ZNF212: variants seen among roughly 807,000 people sequenced by gnomAD.
The protein encoded by ZNF212 is zinc finger protein 212, also known as Zinc finger protein C2H2-150.
ZNF212 carries 32 observed loss-of-function variants against 47.3 expected under a neutral mutation model. That is an observed-to-expected ratio of 0.68 (90% CI 0.51 to 0.91). The LOEUF (loss-of-function observed/expected upper bound fraction) is 0.91. Among genes scored for constraint, ZNF212 ranks in the 40% least tolerant of loss-of-function variants. The probability of loss-of-function intolerance (pLI) is 0.00; values close to 1 mark genes in which losing one functional copy is unlikely to be tolerated. For missense variants in ZNF212, 555 were observed against 622.8 expected (o/e 0.89, Z 1.16); for synonymous variants, 242 against 253.8 (o/e 0.95, Z 0.44).
At chr7:149,246,441 G>A (rs1245113890) in intron 1 of ZNF212, among the ~76,000 whole-genome samples, 1 of 150,216 alleles carries the variant, frequency 6.7e-6, no homozygotes, top group African/African-American at 2.5e-5. Context: ...GGAGTGCAGT[G>A]ACGTGATCTC....
rs762158885 is a variant in ZNF212, at chr7:149,250,487, T to A, written c.353T>A (p.Leu118Gln). Residue 118 changes from leucine to glutamine, a missense_variant, in exon 2 of 5, where the codon CTG (leucine) becomes CAG (glutamine). Physicochemically the swap from Leu to Gln is moderately radical, Grantham distance 113. Transcript: ENST00000335870. ...QRRLENVENL[L>Q]RNRNFWILRL... ...CGGCTGGAGAACGTGGAGAACCTGCTGCGCAACAGGAACTTCTGGATCCTG... is the reference window on the plus strand; with the variant it reads ...CGGCTGGAGAACGTGGAGAACCTGCAGCGCAACAGGAACTTCTGGATCCTG... The A allele has an allele frequency of 6.2e-7, 1 of 1,613,926 alleles. No individual in the cohort carries two copies.
intron 3 of ZNF212, among the ~76,000 whole-genome samples, chr7:149,252,366 C>A (rs967972050): frequency 6.6e-6 from 1 of 152,118 alleles, no homozygotes; most frequent in Non-Finnish European, 1.5e-5. Flanking sequence ...GAAATTAGAT[C>A]CCCTGAAAGG....
At position 149,254,635 on chromosome 7, in the gene ZNF212, C is replaced by T. The variant is rs1234902009; in HGVS notation, c.*220C>T. ...TGCTGCCAAGTTTGCTGTTTCTTGGCACCTTCAGGTCTCTGGTTTTCTCAT... is the reference window on the plus strand; with the variant it reads ...TGCTGCCAAGTTTGCTGTTTCTTGGTACCTTCAGGTCTCTGGTTTTCTCAT... On this transcript the variant is annotated 3_prime_UTR_variant, in exon 5 of 5. Coordinates refer to ENST00000335870, the MANE Select transcript of ZNF212 (RefSeq NM_012256.4). This position sits in a 1 kb window ranked among gnomAD's most constrained non-coding sequence, Gnocchi z 4.5. 3.2e-6 allele frequency: 2 copies of T among 634,192 alleles called. No individual in the cohort carries two copies. Among genetic ancestry groups the T allele is most frequent in the Non-Finnish European group, 5.0e-6 (2 of 398,414 alleles). The allele number at this position is 634,192 out of a possible 1,614,324, so 39.3% of individuals were successfully genotyped here. A position where few individuals can be genotyped will look rare whatever the true frequency, so the allele number is the denominator to read the frequency against.
rs942371761 is a variant in ZNF212 at position 149,255,606 on chromosome 7, A to G, written c.*1191A>G. ...TGCTACTAGCAAAAGAAAAAAAAAAAGTTCATACTGGATGTTTTTCTCCGT... is the reference window on the plus strand; with the variant it reads ...TGCTACTAGCAAAAGAAAAAAAAAAGGTTCATACTGGATGTTTTTCTCCGT... On this transcript the variant is annotated 3_prime_UTR_variant, in exon 5 of 5. Transcript: ENST00000335870. 6.5e-6 allele frequency: 1 copy of G among 153,642 alleles called. No homozygotes were observed. Among genetic ancestry groups the G allele is most frequent in the Non-Finnish European group, 1.5e-5 (1 of 68,018 alleles). The allele number at this position is 153,642 out of a possible 1,614,324, so 9.5% of individuals were successfully genotyped here.
Position 149,239,727 on chromosome 7 carries a change from G to A in ZNF212, c.-52G>A, listed in dbSNP as rs1796557545. The A allele has an allele frequency of 7.8e-7, 1 of 1,279,110 alleles. No homozygotes were observed. Among genetic ancestry groups the A allele is most frequent in the Non-Finnish European group, 9.9e-7 (1 of 1,007,422 alleles). The allele number at this position is 1,279,110 out of a possible 1,614,324, so 79.2% of individuals were successfully genotyped here. On this transcript the variant is annotated 5_prime_UTR_variant, in exon 1 of 5. Coordinates refer to ENST00000335870, the MANE Select transcript of ZNF212 (RefSeq NM_012256.4). ...TCTGGGGCGCCGAGCGGACAGGAAC[G>A]CAGCACGGGGGCTCCGAGGCGGGGT...
chr7:149,244,669 C>T (rs1422635170), intron 1 of ZNF212, among the ~76,000 whole-genome samples: 1 of 151,882 alleles, frequency 6.6e-6, no homozygotes, highest in African/African-American at 2.4e-5. Context: ...AGTGTAGAGA[C>T]AAAATGAAAA....
chr7:149,254,073 G>C lies in ZNF212; in HGVS notation c.1146G>C (p.Val382=). The change falls in exon 5 of 5, where the codon GTG becomes GTC. Residue 382 remains valine, a synonymous_variant. Transcript: ENST00000335870. The surrounding 1 kb of genome is among the most constrained non-coding windows in gnomAD (Gnocchi z 4.5). ...DVCLRSFSCK[V]SLVTHQRCHL... Reference sequence around the variant, plus strand: ...GCCTGAGGAGCTTCAGCTGCAAGGTGAGCCTGGTGACCCATCAGCGTTGCC... The same window carrying C: ...GCCTGAGGAGCTTCAGCTGCAAGGTCAGCCTGGTGACCCATCAGCGTTGCC... 4 of 1,612,810 alleles carry C rather than the reference G, an allele frequency of 2.5e-6. No individual in the cohort carries two copies. The highest frequency in any genetic ancestry group is 3.4e-6 in the Non-Finnish European group (4 of 1,179,412).
rs1212157088 is a variant in ZNF212 at position 149,254,221 on chromosome 7, T to C, written c.1294T>C (p.Cys432Arg). ...KSRSSLICGY[C>R]GKSFSHPSDL... ...CCGGAGTTCCCTCATCTGTGGTTAC[T>C]GTGGCAAGAGCTTCAGTCACCCATC... Residue 432 changes from cysteine (C) to arginine (R), a missense_variant, in exon 5 of 5, where the codon TGT becomes CGT. Physicochemically the swap from Cys to Arg is radical, Grantham distance 180 (BLOSUM62 -3). Coordinates refer to ENST00000335870, the MANE Select transcript of ZNF212 (RefSeq NM_012256.4). This position sits in a 1 kb window ranked among gnomAD's most constrained non-coding sequence, Gnocchi z 4.5. 1 of 1,614,154 alleles carries C rather than the reference T, an allele frequency of 6.2e-7. No individual in the cohort carries two copies. Among genetic ancestry groups the C allele is most frequent in the Non-Finnish European group, 8.5e-7 (1 of 1,180,046 alleles).
intron 1 of ZNF212, among the ~76,000 whole-genome samples, chr7:149,243,429 G>A (rs74736738): frequency 0.16 from 9,919 of 62,200 alleles, 411 homozygotes; most frequent in Middle Eastern, 0.23. Context: ...GTGAGACTCC[G>A]TCTCAAAAAA....
chr7:149,248,544 A>C (rs549816764), intron 1 of ZNF212, among the ~76,000 whole-genome samples: 2 of 152,186 alleles, frequency 1.3e-5, no homozygotes, highest in Non-Finnish European at 2.9e-5. Flanking sequence ...AAACTAGCTT[A>C]ATCATTCTTT....
chr7:149,254,596 C>A lies in ZNF212; in HGVS notation c.*181C>A. ...AAACCCTGTGGAAGAAGAGTCCAGGCCAGGTCTTCATCCTGCTGCCAAGTT... is the reference window on the plus strand; with the variant it reads ...AAACCCTGTGGAAGAAGAGTCCAGGACAGGTCTTCATCCTGCTGCCAAGTT... On this transcript the variant is annotated 3_prime_UTR_variant, in exon 5 of 5. Coordinates refer to ENST00000335870, the MANE Select transcript of ZNF212 (RefSeq NM_012256.4). The surrounding 1 kb of genome is among the most constrained non-coding windows in gnomAD (Gnocchi z 4.5). 3 of 934,564 alleles carry A rather than the reference C, an allele frequency of 3.2e-6. No individual in the cohort carries two copies. The highest frequency in any genetic ancestry group is 1.7e-5 in the African/African-American group (1 of 60,262). 57.9% of individuals were successfully genotyped at this position (934,564 alleles called of 1,614,324 possible). A position where few individuals can be genotyped will look rare whatever the true frequency, so the allele number is the denominator to read the frequency against.
intron 1 of ZNF212, among the ~76,000 whole-genome samples, chr7:149,242,184 G>C (rs1796602754): frequency 6.6e-6 from 1 of 151,620 alleles, no homozygotes; most frequent in Admixed American, 6.6e-5. Flanking sequence ...ACCATGCCTG[G>C]CTAATTTTGT....
At chr7:149,252,674 C>G (rs1487708659) in intron 3 of ZNF212, 32 bp from the exon 4 acceptor site, 2 of 1,607,774 alleles carry the variant, frequency 1.2e-6, no homozygotes, top group African/African-American at 2.7e-5. Context: ...TTCACTCTCT[C>G]CTGGGCTCAC....
In ZNF212 at chr7:149,250,795, C is replaced by G; in HGVS notation, c.529C>G (p.Leu177Val). ...RNVMESNYET[L>V]VSLKVLGQTE... ...CGTGATGGAGAGTAACTATGAGACA[C>G]TGGTCTCTCTGAGTGAGTAGCAGTT... The change falls in exon 3 of 5, where the codon CTG becomes GTG. Residue 177 changes from leucine (L) to valine (V), a missense_variant. By Grantham distance (32) the Leu-to-Val change is conservative. Coordinates refer to ENST00000335870, the MANE Select transcript of ZNF212 (RefSeq NM_012256.4). 3 of 1,614,232 alleles carry G rather than the reference C, an allele frequency of 1.9e-6. No homozygotes were observed. Among genetic ancestry groups the G allele is most frequent in the Non-Finnish European group, 1.7e-6 (2 of 1,180,048 alleles).
At chr7:149,246,133 C>T (rs926488753) in intron 1 of ZNF212, among the ~76,000 whole-genome samples, 1 of 152,202 alleles carries the variant, frequency 6.6e-6, no homozygotes, top group African/African-American at 2.4e-5. Context: ...CCTTTTTCCA[C>T]TTCATATTCT....
chr7:149,252,308 C>T (rs889154220), intron 3 of ZNF212, among the ~76,000 whole-genome samples: 3 of 152,134 alleles, frequency 2.0e-5, no homozygotes, highest in African/African-American at 7.2e-5. Context: ...TGACTGTTTC[C>T]TTGTCTGTCC....
Position 149,253,567 on chromosome 7 carries a change from G to A in ZNF212, c.640G>A (p.Val214Ile). Residue 214 changes from valine (V) to isoleucine (I), a missense_variant, in exon 5 of 5, where the codon GTC (valine) becomes ATC (isoleucine). Physicochemically the swap from Val to Ile is conservative, Grantham distance 29. Coordinates refer to ENST00000335870, the MANE Select transcript of ZNF212 (RefSeq NM_012256.4). ...CTTCTTCCACTTTGCAGCAGGTGGGGTCATGATCAAACAGGAGCTACAGTA... is the reference window on the plus strand; with the variant it reads ...CTTCTTCCACTTTGCAGCAGGTGGGATCATGATCAAACAGGAGCTACAGTA... ...GPGGAHPAGG[V>I]MIKQELQYTQ... is the part of the protein sequence containing the mutation. The A allele has an allele frequency of 6.3e-7, 1 of 1,599,738 alleles. No homozygotes were observed. The highest frequency in any genetic ancestry group is 8.6e-7 in the Non-Finnish European group (1 of 1,168,412).
In ZNF212 at chr7:149,239,681, C is replaced by CGGCGGCGGT. The variant is rs2129524104; in HGVS notation, c.-90_-89insTGGCGGCGG. 2 of 1,284,414 alleles carry CGGCGGCGGT rather than the reference C, an allele frequency of 1.6e-6. No homozygotes were observed. The highest frequency in any genetic ancestry group is 2.8e-5 in the South Asian group (1 of 35,262). The allele number at this position is 1,284,414 out of a possible 1,614,324, so 79.6% of individuals were successfully genotyped here. A position where few individuals can be genotyped will look rare whatever the true frequency, so the allele number is the denominator to read the frequency against. On this transcript the variant is annotated 5_prime_UTR_variant, in exon 1 of 5. Transcript: ENST00000335870. ...GCACCTGGCATCAACACGGCGGCGG[C>CGGCGGCGGT]GGCGGCGGCTTCCAACAGGCTCTGG...
At position 149,254,386 on chromosome 7, in the gene ZNF212, G is replaced by T. The variant is rs1429182792; in HGVS notation, c.1459G>T (p.Glu487Ter). ...HQRERGGLALEPGRPNGLL is the reference protein window; with the variant it reads ...HQRERGGLAL ...GCGGGAGCGGGGTGGGCTGGCCCTGGAGCCCGGAAGGCCCAATGGCCTGCT... is the reference window on the plus strand; with the variant it reads ...GCGGGAGCGGGGTGGGCTGGCCCTGTAGCCCGGAAGGCCCAATGGCCTGCT... The change falls in exon 5 of 5, where the codon GAG (glutamate) becomes TAG (stop). Residue 487 changes from glutamate to a stop codon, truncating the protein, a stop_gained. Coordinates refer to ENST00000335870, the MANE Select transcript of ZNF212 (RefSeq NM_012256.4). LOFTEE classifies it high-confidence loss of function. This position sits in a 1 kb window ranked among gnomAD's most constrained non-coding sequence, Gnocchi z 4.5. 1 of 1,604,614 alleles carries T rather than the reference G, an allele frequency of 6.2e-7. No homozygotes were observed. The highest frequency in any genetic ancestry group is 2.2e-5 in the East Asian group (1 of 44,886).
Sources: allele counts gnomAD v4.1 joint callset (sites outside exome capture counted in the v4.1 genomes callset), GRCh38; gene constraint gnomAD v4.1.1; non-coding constraint Gnocchi (gnomAD v3.1); transcripts MANE v1.5; gene names NCBI Gene and HGNC (gene_info 2026-07-23, HGNC 2026-07-21).